The following RBPMS variants were observed in gnomAD, a reference collection of about 807,000 sequenced individuals.
The protein encoded by RBPMS is RNA-binding protein with multiple splicing.
Under a neutral mutation model 26.8 loss-of-function variants are expected in RBPMS, and 7 were observed. The observed-to-expected ratio is 0.26, with a 90% CI of 0.15 to 0.49. The LOEUF (loss-of-function observed/expected upper bound fraction) is 0.49. Ranked by LOEUF, RBPMS falls within the 20% of genes least tolerant of loss-of-function variation. The pLI is 0.98. For missense variants in RBPMS, 186 were observed against 250.0 expected (o/e 0.74, Z 1.73); for synonymous variants, 96 against 93.3 (o/e 1.03, Z -0.17).
chr8:30,410,143 TAC>T (rs34489233), intron 1 of RBPMS, among the ~76,000 whole-genome samples: 21,994 of 131,820 alleles, frequency 0.17, 1,679 homozygotes, highest in Middle Eastern at 0.22. Flanking sequence ...TGACTTAAAA[TAC>T]ACACACACAC....
intron 5 of RBPMS, among the ~76,000 whole-genome samples, chr8:30,509,070 C>T (rs1330845813): frequency 6.6e-6 from 1 of 152,146 alleles, no homozygotes; most frequent in African/African-American, 2.4e-5. Context: ...AGGACGTAGG[C>T]TCTGTATTTT....
chr8:30,410,251 G>T (rs183413613), intron 1 of RBPMS, among the ~76,000 whole-genome samples: 1 of 151,586 alleles, frequency 6.6e-6, no homozygotes, highest in Admixed American at 6.6e-5. Flanking sequence ...CTGTTGCCCA[G>T]GCTGGAGTGC....
intron 3 of RBPMS, 46 bp from the exon 4 acceptor site, chr8:30,479,269 A>G (rs774625550): frequency 7.2e-7 from 1 of 1,397,100 alleles, no homozygotes; most frequent in East Asian, 2.3e-5. Context: ...AGAAAAGTAG[A>G]CATCATCTGA....
At chr8:30,553,014 C>CAGCT (rs1293655097) in intron 6 of RBPMS, 3 of 152,288 alleles carry the variant, frequency 2.0e-5, no homozygotes, top group African/African-American at 7.2e-5. Context: ...TCTTGCTCAC[C>CAGCT]TCTTTTCCAG....
At position 30,547,310 on chromosome 8, in the gene RBPMS, A is replaced by G. The variant is rs1563436330; in HGVS notation, c.528+2686A>G. ...CTTCTAGTGTTTCTCTCCTGAGGCA[A>G]AGCCCAACACACCTGTCTTTTGTCC... On this transcript the variant is annotated intron_variant, in intron 6 of 8. Transcript: ENST00000397323. 7 of 1,610,100 alleles carry G rather than the reference A, an allele frequency of 4.3e-6. No homozygotes were observed. The South Asian group carries it at 7.8e-5, about 18-fold the overall frequency.
intron 5 of RBPMS, among the ~76,000 whole-genome samples, chr8:30,519,785 G>A (rs868836979): frequency 8.5e-5 from 13 of 152,116 alleles, no homozygotes; most frequent in Middle Eastern, 3.4e-3. Flanking sequence ...GAGCCACCGC[G>A]CCTGGCCGGA....
At chr8:30,559,034 C>A in intron 7 of RBPMS, 78 bp downstream of exon 7, 2 of 1,200,526 alleles carry the variant, frequency 1.7e-6, no homozygotes, top group Non-Finnish European at 2.5e-6. Flanking sequence ...ATGAACGCAG[C>A]TCTCCTCCTT....
At chr8:30,513,484 G>T (rs923742784) in intron 5 of RBPMS, among the ~76,000 whole-genome samples, 30 of 150,812 alleles carry the variant, frequency 2.0e-4, no homozygotes, top group Non-Finnish European at 3.4e-4. Context: ...AGCTACTCGG[G>T]AGGCTGAGGC....
intron 1 of RBPMS, among the ~76,000 whole-genome samples, chr8:30,392,502 G>A (rs1027423942): frequency 2.0e-5 from 3 of 152,154 alleles, no homozygotes. Context: ...GTCCTCTGAT[G>A]GGGCACCAGG....
intron 1 of RBPMS, among the ~76,000 whole-genome samples, chr8:30,466,895 A>G (rs573257004): frequency 1.0e-3 from 156 of 152,230 alleles, no homozygotes; most frequent in Middle Eastern, 3.4e-3. Context: ...AAACCCGGCC[A>G]GTGGCCCTTT....
intron 6 of RBPMS, chr8:30,555,869 A>G: frequency 1.0e-6 from 1 of 985,360 alleles, no homozygotes; most frequent in Non-Finnish European, 1.2e-6. Flanking sequence ...CCCTCTCCTC[A>G]TTACCCCCAC....
chr8:30,426,743 G>A (rs1040820288), intron 1 of RBPMS, among the ~76,000 whole-genome samples: 3 of 150,948 alleles, frequency 2.0e-5, no homozygotes, highest in Admixed American at 2.0e-4. Context: ...GTTGCTCGGA[G>A]GTCTGACTCC....
chr8:30,436,841 G>A (rs1054564674), intron 1 of RBPMS, among the ~76,000 whole-genome samples: 2 of 152,008 alleles, frequency 1.3e-5, no homozygotes, highest in Non-Finnish European at 2.9e-5. Flanking sequence ...CTTGCTTAAG[G>A]GCACGTAATA....
At chr8:30,531,465 C>G (rs938473254) in intron 5 of RBPMS, among the ~76,000 whole-genome samples, 6 of 152,222 alleles carry the variant, frequency 3.9e-5, no homozygotes, top group Non-Finnish European at 8.8e-5. Flanking sequence ...CATCCCAGAC[C>G]AGTGATCCTC....
At chr8:30,558,555 G>A (rs1827171776) in intron 6 of RBPMS, 1 of 445,104 alleles carries the variant, frequency 2.2e-6, no homozygotes, top group African/African-American at 2.0e-5. Context: ...CTAGGCCTGG[G>A]AAAAGGAATT....
chr8:30,482,573 C>T (rs1379912426), intron 4 of RBPMS, among the ~76,000 whole-genome samples: 2 of 152,148 alleles, frequency 1.3e-5, no homozygotes, highest in Non-Finnish European at 2.9e-5. Flanking sequence ...AAAACATGCT[C>T]AGATTGAATT....
chr8:30,426,585 G>GTTCTGTTCA (rs1811375193), intron 1 of RBPMS, among the ~76,000 whole-genome samples: 2 of 152,062 alleles, frequency 1.3e-5, no homozygotes, highest in South Asian at 4.1e-4. Flanking sequence ...TAAAGGCATT[G>GTTCTGTTCA]AACAGGCTGA....
chr8:30,434,204 C>G (rs1812213902), intron 1 of RBPMS, among the ~76,000 whole-genome samples: 3 of 152,100 alleles, frequency 2.0e-5, no homozygotes, highest in Non-Finnish European at 2.9e-5. Context: ...AATGAAGGAG[C>G]TACACTAGAT....
rs979429763 is a variant in RBPMS, at chr8:30,571,050, G to T, written c.*525G>T. ...AAATATTATCAAAATATCCTGAATT[G>T]TATTGTGAATATATAGAAATCTGTG... On this transcript the variant is annotated 3_prime_UTR_variant, in exon 9 of 9. Coordinates refer to ENST00000397323, the MANE Select transcript of RBPMS (RefSeq NM_001008710.3). 1.3e-5 allele frequency: 2 copies of T among 152,136 alleles called. No individual in the cohort carries two copies. The highest frequency in any genetic ancestry group is 2.4e-5 in the African/African-American group (1 of 41,404). 9.4% of individuals were successfully genotyped at this position (152,136 alleles called of 1,614,324 possible).
Sources: gnomAD v4.1 joint callset for allele counts (sites outside exome capture counted in the v4.1 genomes callset) on GRCh38, gnomAD v4.1.1 for gene constraint, MANE v1.5 for transcripts, NCBI Gene and HGNC (gene_info 2026-07-23, HGNC 2026-07-21) for gene names.